GMDS: variants seen among roughly 807,000 people sequenced by gnomAD.
The protein encoded by GMDS is GDP-mannose 4,6 dehydratase.
In GMDS, 20 loss-of-function variants were observed where a neutral mutation model predicts 49.9. That is an observed-to-expected ratio of 0.40 (90% CI 0.28 to 0.58). The LOEUF is 0.58. Among genes scored for constraint, GMDS ranks in the 20% least tolerant of loss-of-function variants. The pLI, the probability that GMDS is intolerant of heterozygous loss-of-function variation, is 0.42. For synonymous variants in GMDS, 177 were observed against 178.6 expected (o/e 0.99, Z 0.07); for missense variants, 362 against 481.4 (o/e 0.75, Z 2.32).
chr6:1,961,114 C>T (rs1763918206), intron 4 of GMDS, 148 bp from the exon 5 acceptor site: 2 of 487,020 alleles, frequency 4.1e-6, no homozygotes, highest in Non-Finnish European at 7.4e-6. Flanking sequence ...ACGTGGATGT[C>T]ATCTACATAC....
chr6:1,759,200 C>G (rs545235119), intron 7 of GMDS, among the ~76,000 whole-genome samples: 5 of 152,278 alleles, frequency 3.3e-5, no homozygotes, highest in Admixed American at 1.3e-4. Flanking sequence ...CCATAAATAG[C>G]ATGGGGAAGG....
chr6:1,822,157 C>T lies in GMDS; in HGVS notation c.772-79571G>A, dbSNP rs1159694325. The stretch of plus-strand genomic sequence containing the variant: ...TCCTGCATAATGAAATGGTACCACA[C>T]GTCACCAAGCTGGAGAACTCAGGGT... On this transcript the variant is annotated intron_variant, in intron 7 of 10. Transcript: ENST00000380815. Among the ~76,000 whole-genome samples the T allele has an allele frequency of 3.3e-5, 5 of 152,302 alleles. No individual in the cohort carries two copies. In the South Asian group the frequency reaches 8.3e-4, roughly 25 times the overall value.
At chr6:1,736,869 C>T (rs1767018083) in intron 8 of GMDS, among the ~76,000 whole-genome samples, 1 of 152,188 alleles carries the variant, frequency 6.6e-6, no homozygotes, top group Admixed American at 6.5e-5. Flanking sequence ...GTGAGTTTGA[C>T]AGTCCCAAGC....
At chr6:2,032,091 A>G (rs1179388136) in intron 4 of GMDS, among the ~76,000 whole-genome samples, 1 of 152,182 alleles carries the variant, frequency 6.6e-6, no homozygotes, top group Non-Finnish European at 1.5e-5. Context: ...GAACCTCTCA[A>G]TGACCAAAGG....
chr6:1,885,318 T>C (rs906715166), intron 7 of GMDS, among the ~76,000 whole-genome samples: 1 of 152,212 alleles, frequency 6.6e-6, no homozygotes, highest in African/African-American at 2.4e-5. Context: ...AGAAAAGCTA[T>C]CTTAGAATAA....
chr6:2,061,609 C>T (rs1210093876), intron 4 of GMDS, among the ~76,000 whole-genome samples: 3 of 150,946 alleles, frequency 2.0e-5, no homozygotes, highest in African/African-American at 7.3e-5. Flanking sequence ...ACCCCAACTA[C>T]TCAGGAGACA....
At chr6:1,756,265 G>GT (rs142574141) in intron 7 of GMDS, among the ~76,000 whole-genome samples, 8,300 of 140,294 alleles carry the variant, frequency 0.059, 621 homozygotes, top group African/African-American at 0.18. Context: ...TTTTGTTCTG[G>GT]TTTTTTTTTT....
chr6:1,897,926 C>G (rs1312740129), intron 7 of GMDS, among the ~76,000 whole-genome samples: 1 of 135,648 alleles, frequency 7.4e-6, no homozygotes, highest in South Asian at 2.2e-4. Flanking sequence ...CACGGCCACC[C>G]TTGCCATCCT....
chr6:1,784,451 T>A (rs1464260426), intron 7 of GMDS, among the ~76,000 whole-genome samples: 1 of 147,470 alleles, frequency 6.8e-6, no homozygotes, highest in East Asian at 2.0e-4. Context: ...TTCCCCTGCC[T>A]GAGGATGTTC....
chr6:1,942,005 G>T (rs1382008825), intron 6 of GMDS, among the ~76,000 whole-genome samples: 2 of 152,120 alleles, frequency 1.3e-5, no homozygotes, highest in Admixed American at 1.3e-4. Context: ...GAGAACCTTC[G>T]CACACCTATG....
intron 7 of GMDS, among the ~76,000 whole-genome samples, chr6:1,781,833 C>T (rs1370201353): frequency 6.6e-6 from 1 of 151,216 alleles, no homozygotes; most frequent in Non-Finnish European, 1.5e-5. Context: ...TAATATAGAA[C>T]TGGTGCAATC....
At chr6:1,901,761 A>G (rs1760515401) in intron 7 of GMDS, among the ~76,000 whole-genome samples, 1 of 152,184 alleles carries the variant, frequency 6.6e-6, no homozygotes, top group Admixed American at 6.5e-5. Flanking sequence ...GTGTATACTG[A>G]GCTCATCCTA....
At chr6:1,999,920 C>CG (rs1766562934) in intron 4 of GMDS, among the ~76,000 whole-genome samples, 2 of 66,554 alleles carry the variant, frequency 3.0e-5, no homozygotes, top group South Asian at 1.0e-3. Flanking sequence ...ATATTATATA[C>CG]ATATTATATA....
At chr6:1,725,497 G>C (rs1156266384) in intron 9 of GMDS, among the ~76,000 whole-genome samples, 1 of 151,878 alleles carries the variant, frequency 6.6e-6, no homozygotes, top group Non-Finnish European at 1.5e-5. Context: ...AATGGCGCGC[G>C]ATCTCGGCTC....
intron 1 of GMDS, among the ~76,000 whole-genome samples, chr6:2,217,820 T>A (rs992924410): frequency 6.6e-6 from 1 of 152,130 alleles, no homozygotes; most frequent in African/African-American, 2.4e-5. Context: ...CTGGATGAAC[T>A]GAGTTAACTG....
intron 7 of GMDS, among the ~76,000 whole-genome samples, chr6:1,816,405 A>T (rs1456779292): frequency 6.6e-6 from 1 of 152,176 alleles, no homozygotes; most frequent in Non-Finnish European, 1.5e-5. Context: ...CTGGATTCCA[A>T]TTTTGTCTCA....
In GMDS at chr6:1,969,057, C is replaced by T. The variant is rs563970235; in HGVS notation, c.346-8091G>A. On this transcript the variant is annotated intron_variant, in intron 4 of 10. Coordinates refer to ENST00000380815, the MANE Select transcript of GMDS (RefSeq NM_001500.4). The stretch of plus-strand genomic sequence containing the variant: ...CGGGCGGATCACGAGGTCAGGAGAT[C>T]AAGACCATCCTGGCTAACACGGTGA... Among the ~76,000 whole-genome samples, 487 of 151,882 alleles carry T rather than the reference C, an allele frequency of 3.2e-3. 2 individuals are homozygous for T. The highest frequency in any genetic ancestry group is 0.011 in the African/African-American group (447 of 41,452).
At chr6:1,739,914 T>C (rs905264042) in intron 8 of GMDS, among the ~76,000 whole-genome samples, 3 of 152,220 alleles carry the variant, frequency 2.0e-5, no homozygotes, top group Non-Finnish European at 4.4e-5. Flanking sequence ...TTTCCTAATA[T>C]AGTACTAAAC....
chr6:1,831,342 TCA>T (rs1419201646), intron 7 of GMDS, among the ~76,000 whole-genome samples: 3 of 152,248 alleles, frequency 2.0e-5, no homozygotes, highest in Non-Finnish European at 4.4e-5. Context: ...GTGCCATTTC[TCA>T]GTTTCTTTAG....
Sources: allele counts gnomAD v4.1 joint callset (sites outside exome capture counted in the v4.1 genomes callset), GRCh38; gene constraint gnomAD v4.1.1; transcripts MANE v1.5; gene names NCBI Gene and HGNC (gene_info 2026-07-23, HGNC 2026-07-21).